GCNT2: variants seen among roughly 807,000 people sequenced by gnomAD.
The protein encoded by GCNT2 is glucosaminyl (N-acetyl) transferase 2 (I blood group), also known as N-acetyllactosaminide beta-1,6-N-acetylglucosaminyl-transferase.
In GCNT2, 34 loss-of-function variants were observed where a neutral mutation model predicts 34.2. The ratio of observed to expected loss-of-function variants is 1.00; its 90% confidence interval spans 0.76 to 1.32. GCNT2 has a LOEUF of 1.32. Ranked by LOEUF, GCNT2 falls within the 40% of genes most tolerant of loss-of-function variation. The pLI is 0.00. For missense variants in GCNT2, 584 were observed against 489.4 expected (o/e 1.19, Z -1.82); for synonymous variants, 212 against 188.0 (o/e 1.13, Z -1.04).
At chr6:10,536,698 G>GTT (rs1374577873) in intron 3 of GCNT2, among the ~76,000 whole-genome samples, 5 of 145,532 alleles carry the variant, frequency 3.4e-5, no homozygotes, top group Admixed American at 2.8e-4. Flanking sequence ...TGGGACACCT[G>GTT]TGAGTTCCTT....
In GCNT2 at chr6:10,612,502, C is replaced by T. The variant is rs577271565; in HGVS notation, c.926-8849C>T. Among the ~76,000 whole-genome samples, 4 of 152,104 alleles carry T rather than the reference C, an allele frequency of 2.6e-5. No individual in the cohort carries two copies. In the South Asian group the frequency reaches 6.2e-4, roughly 24 times the overall value. On this transcript the variant is annotated intron_variant, in intron 3 of 4. Transcript: ENST00000495262. ...ACAAAGAATTACCTGGTCCAAATGT[C>T]GATAATGCTGAGGTTGAGAAAACTG...
intron 3 of GCNT2, among the ~76,000 whole-genome samples, chr6:10,536,758 C>T (rs1475932039): frequency 7.0e-6 from 1 of 142,940 alleles, no homozygotes; most frequent in African/African-American, 2.7e-5. Flanking sequence ...GGCTGGAGTA[C>T]AGTGGCGCAA....
chr6:10,584,478 C>G (rs1024954449), intron 3 of GCNT2, among the ~76,000 whole-genome samples: 1 of 152,128 alleles, frequency 6.6e-6, no homozygotes, highest in African/African-American at 2.4e-5. Flanking sequence ...CTTCTTCTTT[C>G]ACTAATCCTC....
At chr6:10,625,366 A>G (rs993591950) in intron 4 of GCNT2, among the ~76,000 whole-genome samples, 3 of 152,184 alleles carry the variant, frequency 2.0e-5, no homozygotes, top group African/African-American at 7.2e-5. Flanking sequence ...CCAACCCTTC[A>G]GTCTGTGAAG....
At chr6:10,569,832 C>CCTTT (rs1039066397) in intron 3 of GCNT2, among the ~76,000 whole-genome samples, 14 of 149,944 alleles carry the variant, frequency 9.3e-5, no homozygotes, top group Admixed American at 5.3e-4. Context: ...TTTCTTCCTT[C>CCTTT]CTTCCTTCCT....
intron 3 of GCNT2, chr6:10,575,094 A>G (rs975055462): frequency 3.8e-6 from 2 of 527,382 alleles, no homozygotes; most frequent in African/African-American, 1.9e-5. Context: ...AACAGTACCC[A>G]TTCCCTTGAT....
intron 3 of GCNT2, among the ~76,000 whole-genome samples, chr6:10,566,404 TCTC>T (rs1233133407): frequency 6.6e-6 from 1 of 152,156 alleles, no homozygotes; most frequent in Non-Finnish European, 1.5e-5. Context: ...CTCAGGCAGT[TCTC>T]CTGCCTCTGC....
intron 3 of GCNT2, among the ~76,000 whole-genome samples, chr6:10,542,611 C>G (rs1471628723): frequency 6.6e-6 from 1 of 152,162 alleles, no homozygotes; most frequent in Non-Finnish European, 1.5e-5. Flanking sequence ...TATATGTGTT[C>G]TTTCATGCGT....
At chr6:10,611,867 G>GC (rs1173555875) in intron 3 of GCNT2, among the ~76,000 whole-genome samples, 2 of 152,026 alleles carry the variant, frequency 1.3e-5, no homozygotes, top group Non-Finnish European at 1.5e-5. Context: ...ATTAAAGAAA[G>GC]TTTTATAAGT....
In GCNT2 at chr6:10,527,551, AACC is replaced by A. The variant is rs1325707178; in HGVS notation, c.-385_-383del. 3 of 152,250 alleles carry A rather than the reference AACC, an allele frequency of 2.0e-5. No homozygotes were observed. The highest frequency in any genetic ancestry group is 4.8e-5 in the African/African-American group (2 of 41,450). The allele number at this position is 152,250 out of a possible 1,614,324, so 9.4% of individuals were successfully genotyped here. A position where few individuals can be genotyped will look rare whatever the true frequency, so the allele number is the denominator to read the frequency against. On this transcript the variant is annotated 5_prime_UTR_variant, in exon 2 of 5. Coordinates refer to ENST00000495262, the MANE Select transcript of GCNT2 (RefSeq NM_145649.5). ...ACATGCTTTCACACCGGGTGCAGCT[AACC>A]ACCACATCATACAAAACTCGTCGCT...
intron 3 of GCNT2, among the ~76,000 whole-genome samples, chr6:10,540,225 C>T (rs569251266): frequency 6.6e-6 from 1 of 152,260 alleles, no homozygotes; most frequent in East Asian, 1.9e-4. Context: ...AGCAATGTCA[C>T]CTGTCTGTAG....
At chr6:10,573,398 G>T in intron 3 of GCNT2, 3 of 573,606 alleles carry the variant, frequency 5.2e-6, no homozygotes, top group Non-Finnish European at 6.6e-6. Context: ...CAGCTGGGCA[G>T]TTAACACCAG....
At chr6:10,543,817 A>G (rs2113602292) in intron 3 of GCNT2, among the ~76,000 whole-genome samples, 1 of 152,278 alleles carries the variant, frequency 6.6e-6, no homozygotes, top group African/African-American at 2.4e-5. Flanking sequence ...ACACTGAGAT[A>G]TGGAGTCTGT....
chr6:10,537,574 A>ATG (rs1761820384), intron 3 of GCNT2, among the ~76,000 whole-genome samples: 1 of 151,274 alleles, frequency 6.6e-6, no homozygotes, highest in South Asian at 2.1e-4. Flanking sequence ...GGTGGCGGGC[A>ATG]CCTGTAATCC....
intron 3 of GCNT2, among the ~76,000 whole-genome samples, chr6:10,588,922 GGTGTGTTTGTAGTGCGGTGTGT>G (rs1764485869): frequency 6.7e-6 from 1 of 149,018 alleles, no homozygotes; most frequent in African/African-American, 2.5e-5. Flanking sequence ...TGTAGTGTGT[GGTGTGTTTGTAGTGCGGTGTGT>G]GTGTTTGTAG....
At chr6:10,526,472 G>A (rs1038821449) in intron 1 of GCNT2, among the ~76,000 whole-genome samples, 2 of 152,228 alleles carry the variant, frequency 1.3e-5, no homozygotes, top group South Asian at 2.1e-4. Context: ...AGTAGTGATT[G>A]TGAAGATAAT....
intron 3 of GCNT2, among the ~76,000 whole-genome samples, chr6:10,580,274 G>A (rs371507791): frequency 2.0e-5 from 3 of 150,982 alleles, no homozygotes; most frequent in African/African-American, 7.4e-5. Flanking sequence ...AGGGGTCAGG[G>A]GGGTGGGGAG....
intron 3 of GCNT2, among the ~76,000 whole-genome samples, chr6:10,534,469 G>A (rs77571377): frequency 6.6e-6 from 1 of 152,136 alleles, no homozygotes; most frequent in African/African-American, 2.4e-5. Context: ...TGCTCTCTGT[G>A]TCCCATTCAG....
At chr6:10,576,923 TA>T (rs1226350954) in intron 3 of GCNT2, among the ~76,000 whole-genome samples, 1 of 143,490 alleles carries the variant, frequency 7.0e-6, no homozygotes, top group Non-Finnish European at 1.5e-5. Context: ...ATAATAACAA[TA>T]ATAATAATAA....
Sources: allele counts gnomAD v4.1 joint callset (sites outside exome capture counted in the v4.1 genomes callset), GRCh38; gene constraint gnomAD v4.1.1; transcripts MANE v1.5; gene names NCBI Gene and HGNC (gene_info 2026-07-23, HGNC 2026-07-21).